OBSL1: variants seen among roughly 807,000 people sequenced by gnomAD.
The protein encoded by OBSL1 is obscurin-like protein 1.
In OBSL1, 160 loss-of-function variants were observed where a neutral mutation model predicts 172.0. That is an observed-to-expected ratio of 0.93 (90% CI 0.82 to 1.06). OBSL1 has a LOEUF of 1.06. Among genes scored for constraint, OBSL1 ranks in the 50% least tolerant of loss-of-function variants. The pLI is 0.00. For missense variants in OBSL1, 2,681 were observed against 2,715.4 expected (o/e 0.99, Z 0.28); for synonymous variants, 1,200 against 1,196.3 (o/e 1.00, Z -0.06).
At chr2:219,549,935 G>A, downstream of OBSL1, 2 of 1,555,486 alleles carry the variant, frequency 1.3e-6, no homozygotes, top group Non-Finnish European at 8.7e-7. Context: ...CAGCCTCCTG[G>A]CTTTGGCTGT....
intron 12 of OBSL1, chr2:219,556,951 C>T: frequency 1.9e-6 from 1 of 538,928 alleles, no homozygotes; most frequent in South Asian, 3.3e-5. Flanking sequence ...TTGGTGGCAC[C>T]CTAATAATAT....
Position 219,566,939 on chromosome 2 carries a change from C to T in OBSL1, c.2025G>A (p.Lys675=). 1 of 1,613,828 alleles carries T rather than the reference C, an allele frequency of 6.2e-7. No individual in the cohort carries two copies. The highest frequency in any genetic ancestry group is 8.5e-7 in the Non-Finnish European group (1 of 1,179,872). ...GCAGGATGAGTCTGTGCTGCAGACC[C>T]TTCTGCTCTATACGGTACCGCAGGG... The part of the protein sequence containing the change: ...PGALRYRIEQ[K]GLQHRLILHA... The change falls in exon 5 of 21, where the codon AAG becomes AAA. Residue 675 remains lysine, a synonymous_variant. Transcript: ENST00000404537.
At chr2:219,567,185 T>C in intron 4 of OBSL1, 59 bp from the exon 5 acceptor site, 1 of 1,577,476 alleles carries the variant, frequency 6.3e-7, no homozygotes, top group Non-Finnish European at 8.6e-7. Flanking sequence ...GGGCAGAGGC[T>C]GGCGGATGGC....
chr2:219,549,315 A>C (rs1349276270), downstream of OBSL1: 1 of 1,613,802 alleles, frequency 6.2e-7, no homozygotes, highest in Non-Finnish European at 8.5e-7. Flanking sequence ...GGCGCAGGCC[A>C]GTGCCCATCA....
chr2:219,554,873 AC>A (rs1695886225), intron 14 of OBSL1, 133 bp from the exon 15 acceptor site: 1 of 1,011,540 alleles, frequency 9.9e-7, no homozygotes, highest in Non-Finnish European at 1.4e-6. Context: ...AAAGTTCGGA[AC>A]CAGGGTGCAG....
At chr2:219,566,736 A>G (rs62191614) in intron 5 of OBSL1, 94 bp downstream of exon 5, 1 of 1,374,960 alleles carries the variant, frequency 7.3e-7, no homozygotes, top group Non-Finnish European at 9.8e-7. Context: ...CCTGGCCCAG[A>G]TACAAGAAAT....
At position 219,556,462 on chromosome 2, in the gene OBSL1, T is replaced by C; in HGVS notation, c.4328A>G (p.His1443Arg). The C allele has an allele frequency of 6.2e-7, 1 of 1,613,766 alleles. No individual in the cohort carries two copies. Among genetic ancestry groups the C allele is most frequent in the Non-Finnish European group, 8.5e-7 (1 of 1,179,876 alleles). The change falls in exon 13 of 21, where the codon CAT becomes CGT. Residue 1443 changes from histidine (H) to arginine (R), a missense_variant. Coordinates refer to ENST00000404537, the MANE Select transcript of OBSL1 (RefSeq NM_015311.3). Reference protein sequence around the residue: ...AGSTATSARLHVRETELLFLR... With the variant: ...AGSTATSARLRVRETELLFLR... ...CCTCATCAGGACCTAACCTCGAACA[T>C]GGAGCCGGGCACTTGTGGCCGTGCT...
At chr2:219,549,893 G>T, downstream of OBSL1, 1 of 1,593,430 alleles carries the variant, frequency 6.3e-7, no homozygotes, top group Non-Finnish European at 8.6e-7. Flanking sequence ...CACCAGCTCT[G>T]CCAGCTCGAG....
At chr2:219,555,803 A>G in intron 14 of OBSL1, 1 of 1,396,622 alleles carries the variant, frequency 7.2e-7, no homozygotes, top group Non-Finnish European at 9.3e-7. Context: ...ACTTGGAAAT[A>G]TGCAATGGAA....
chr2:219,562,898 G>T, intron 7 of OBSL1: 2 of 583,352 alleles, frequency 3.4e-6, no homozygotes, highest in Non-Finnish European at 6.0e-6. Flanking sequence ...TGCACAGAGG[G>T]GACCACGGGG....
At chr2:219,555,805 G>A (rs1695954041) in intron 14 of OBSL1, 5 of 1,397,450 alleles carry the variant, frequency 3.6e-6, no homozygotes, top group Non-Finnish European at 9.3e-7. Context: ...TTGGAAATAT[G>A]CAATGGAATG....
At chr2:219,555,826 A>G (rs987159849) in intron 14 of OBSL1, 194 bp downstream of exon 14, 3 of 1,405,584 alleles carry the variant, frequency 2.1e-6, no homozygotes, top group African/African-American at 2.9e-5. Context: ...CAAAATCCAC[A>G]TGGACTTCTA....
At chr2:219,552,375 GACT>G in intron 18 of OBSL1, 158 bp downstream of exon 18, 1 of 867,360 alleles carries the variant, frequency 1.2e-6, no homozygotes, top group East Asian at 2.7e-5. Flanking sequence ...AGAGGTCCGG[GACT>G]AGGGGCTGGG....
At chr2:219,552,496 G>A (rs758280042) in intron 18 of OBSL1, 40 bp downstream of exon 18, 3 of 1,561,926 alleles carry the variant, frequency 1.9e-6, no homozygotes, top group Admixed American at 1.8e-5. Flanking sequence ...AGCCTGGGCG[G>A]GGCAGCGAGG....
chr2:219,548,782 T>C (rs1410526107), downstream of OBSL1, among the ~76,000 whole-genome samples: 1 of 152,162 alleles, frequency 6.6e-6, no homozygotes, highest in Admixed American at 6.5e-5. Flanking sequence ...GGGATGCTCA[T>C]TCTGCTGCCG....
chr2:219,554,365 GAGAC>G, intron 15 of OBSL1, 105 bp downstream of exon 15: 5 of 1,326,570 alleles, frequency 3.8e-6, no homozygotes, highest in East Asian at 2.3e-5. Context: ...GGGCCACACT[GAGAC>G]AGGCATGGTC....
At position 219,550,824 on chromosome 2, in the gene OBSL1, G is replaced by C. The variant is rs1559130114; in HGVS notation, c.*11C>G. 8 of 1,611,694 alleles carry C rather than the reference G, an allele frequency of 5.0e-6. No individual in the cohort carries two copies. The highest frequency in any genetic ancestry group is 1.7e-5 in the Admixed American group (1 of 59,654). ...TGTCCAAGGGCACCCGCCTGGCCTGGTTAGGTTCTCCTAGTTGCCTGCAGA... is the reference window on the plus strand; with the variant it reads ...TGTCCAAGGGCACCCGCCTGGCCTGCTTAGGTTCTCCTAGTTGCCTGCAGA... On this transcript the variant is annotated 3_prime_UTR_variant, in exon 21 of 21. Coordinates refer to ENST00000404537, the MANE Select transcript of OBSL1 (RefSeq NM_015311.3).
chr2:219,552,332 G>C lies in OBSL1; in HGVS notation c.5309-116C>G, dbSNP rs979118950. On this transcript the variant is annotated intron_variant, in intron 18 of 20. Transcript: ENST00000404537. ...TCGGACGCCGTTAGTGTATGCTAGG[G>C]TGGGCGGAACAGGGATGCGGAGCGG... 2.0e-5 allele frequency: 21 copies of C among 1,030,578 alleles called. No homozygotes were observed. In the African/African-American group the frequency reaches 2.9e-4, roughly 14 times the overall value. 63.8% of individuals were successfully genotyped at this position (1,030,578 alleles called of 1,614,324 possible).
chr2:219,554,778 C>A (rs1338517117), intron 14 of OBSL1, 38 bp from the exon 15 acceptor site: 16 of 1,510,144 alleles, frequency 1.1e-5, no homozygotes, highest in African/African-American at 5.5e-5. Context: ...GATGAGGCCT[C>A]CAGCTCTGGG....
Sources: gnomAD v4.1 joint callset for allele counts (sites outside exome capture counted in the v4.1 genomes callset) on GRCh38, gnomAD v4.1.1 for gene constraint, MANE v1.5 for transcripts, NCBI Gene and HGNC (gene_info 2026-07-23, HGNC 2026-07-21) for gene names.